USP40: variants seen among roughly 807,000 people sequenced by gnomAD.
USP40 encodes the protein ubiquitin specific peptidase 40.
In USP40, 143 loss-of-function variants were observed where a neutral mutation model predicts 166.2. The observed-to-expected ratio is 0.86, with a 90% confidence interval of 0.75 to 0.99. The LOEUF is 0.99. USP40 is among the 50% of genes least tolerant of loss of function. The pLI is 0.00. For missense variants in USP40, 1,444 were observed against 1,479.7 expected, an observed-to-expected ratio of 0.98 and a Z score of 0.40; for synonymous variants, 498 against 524.0, an observed-to-expected ratio of 0.95 and a Z score of 0.68.
rs1575340958 is a variant in USP40, at chr2:233,554,474, T to A, written c.599A>T (p.Asp200Val). 1.2e-6 allele frequency: 2 copies of A among 1,613,022 alleles called. No homozygotes were observed. The highest frequency in any genetic ancestry group is 2.7e-5 in the African/African-American group (2 of 74,858). ...TTCTACATACATGTTCCAGAGAGCATCTTCCAAACCGGATACATTTTTGAC... is the reference window on the plus strand; with the variant it reads ...TTCTACATACATGTTCCAGAGAGCAACTTCCAAACCGGATACATTTTTGAC... ...VAVKNVSGLE[D>V]ALWNMYVEEE... Residue 200 changes from aspartate to valine, a missense_variant, in exon 6 of 32, where the codon GAT becomes GTT. Coordinates refer to ENST00000678225, the MANE Select transcript of USP40 (RefSeq NM_001365479.2).
At chr2:233,494,366 A>T (rs891089124) in intron 24 of USP40, among the ~76,000 whole-genome samples, 21 of 152,216 alleles carry the variant, frequency 1.4e-4, no homozygotes, top group African/African-American at 4.8e-4. Flanking sequence ...GGTAGCAGGA[A>T]TATAAACTGC....
In USP40 at chr2:233,477,126, G is replaced by T; in HGVS notation, c.*266C>A. 2.1e-6 allele frequency: 1 copy of T among 483,124 alleles called. No homozygotes were observed. The highest frequency in any genetic ancestry group is 3.9e-5 in the East Asian group (1 of 25,774). 29.9% of individuals were successfully genotyped at this position (483,124 alleles called of 1,614,324 possible). ...TAAAAGAAAAAAAAAGGCAGCTGGG[G>T]CCGGGTGCTGTGTGAGAGAGCCCAG... On this transcript the variant is annotated 3_prime_UTR_variant, in exon 32 of 32. Transcript: ENST00000678225.
At chr2:233,542,601 C>T in intron 8 of USP40, 1 of 365,232 alleles carries the variant, frequency 2.7e-6, no homozygotes, top group Non-Finnish European at 4.9e-6. Context: ...CTGCTTGAGC[C>T]CAGGAGGTCA....
intron 10 of USP40, among the ~76,000 whole-genome samples, chr2:233,538,322 A>C (rs1254076819): frequency 1.3e-5 from 2 of 152,192 alleles, no homozygotes; most frequent in Non-Finnish European, 2.9e-5. Context: ...CATTCTAATA[A>C]AAAGGAAGAG....
Position 233,494,958 on chromosome 2 carries a change from ATATATATAT to A in USP40, c.2791-1416_2791-1408del, listed in dbSNP as rs1559224381. ...TATATATATATATATATATATATTT[ATATATATAT>A]ATATATATATATACACACACATAAA... On this transcript the variant is annotated intron_variant, in intron 24 of 31. Coordinates refer to ENST00000678225, the MANE Select transcript of USP40 (RefSeq NM_001365479.2). 7.8e-5 allele frequency among the ~76,000 whole-genome samples: 4 copies of A among 51,276 alleles called. No individual in the cohort carries two copies. In the East Asian group the frequency reaches 1.2e-3, roughly 15 times the overall value. 33.6% of individuals were successfully genotyped at this position (51,276 alleles called of 152,430 possible).
In USP40 at chr2:233,551,604, A is replaced by G. The variant is rs1444857993; in HGVS notation, c.694-85T>C. The G allele has an allele frequency of 3.9e-6, 5 of 1,274,264 alleles. No homozygotes were observed. In the African/African-American group the frequency reaches 7.6e-5, roughly 19 times the overall value. The allele number at this position is 1,274,264 out of a possible 1,614,324, so 78.9% of individuals were successfully genotyped here. The stretch of plus-strand genomic sequence containing the variant: ...ATGTTTCTTAAGGTCTGAAAAAACA[A>G]CCTATGACACAGTTCTAAGAGAAAT... On this transcript the variant is annotated intron_variant, in intron 6 of 31. Coordinates refer to ENST00000678225, the MANE Select transcript of USP40 (RefSeq NM_001365479.2).
rs1261933899 is a variant in USP40, at chr2:233,528,003, G to C, written c.1554-425C>G. Among the ~76,000 whole-genome samples the C allele has an allele frequency of 3.5e-5, 5 of 143,888 alleles. No individual in the cohort carries two copies. The East Asian group carries it at 1.0e-3, about 29-fold the overall frequency. The allele number at this position is 143,888 out of a possible 152,430, so 94.4% of individuals were successfully genotyped here. ...TGATTTTTTTTTTTTTTTTGAGACA[G>C]AGTCTCACTCTGTCGCCAAGGCTGG... On this transcript the variant is annotated intron_variant, in intron 12 of 31. Coordinates refer to ENST00000678225, the MANE Select transcript of USP40 (RefSeq NM_001365479.2).
chr2:233,554,513 T>A lies in USP40; in HGVS notation c.560A>T (p.Asp187Val). ...NVSERQEDFL[D>V]LTVAVKNVSG... ...TACATTTTTGACTGCTACTGTTAGA[T>A]CTAAGAAGTCTTCCTGAAATAGACA... The change falls in exon 6 of 32, where the codon GAT becomes GTT. Residue 187 changes from aspartate (D) to valine (V), a missense_variant. Coordinates refer to ENST00000678225, the MANE Select transcript of USP40 (RefSeq NM_001365479.2). 1 of 1,604,678 alleles carries A rather than the reference T, an allele frequency of 6.2e-7. No homozygotes were observed. Among genetic ancestry groups the A allele is most frequent in the Non-Finnish European group, 8.5e-7 (1 of 1,177,056 alleles).
chr2:233,557,138 A>G, intron 4 of USP40, 119 bp from the exon 5 acceptor site: 3 of 889,602 alleles, frequency 3.4e-6, no homozygotes, highest in Non-Finnish European at 3.4e-6. Flanking sequence ...GATCAGATAT[A>G]AGAATGACTC....
At chr2:233,495,166 C>T (rs1162651552) in intron 24 of USP40, among the ~76,000 whole-genome samples, 1 of 151,092 alleles carries the variant, frequency 6.6e-6, no homozygotes, top group African/African-American at 2.4e-5. Context: ...GATAGCTTCA[C>T]AGCATACACT....
intron 30 of USP40, among the ~76,000 whole-genome samples, chr2:233,483,047 T>C (rs2125034005): frequency 6.6e-6 from 1 of 152,368 alleles, no homozygotes; most frequent in Non-Finnish European, 1.5e-5. Flanking sequence ...TGCTGGAGAA[T>C]AACCCTCTGC....
At chr2:233,538,270 TCAAA>T (rs1326799549) in intron 10 of USP40, among the ~76,000 whole-genome samples, 9 of 151,904 alleles carry the variant, frequency 5.9e-5, no homozygotes, top group Admixed American at 5.2e-4. Flanking sequence ...GATGAGAGAT[TCAAA>T]CACAGCCATA....
chr2:233,560,851 T>C (rs1575351960), intron 3 of USP40: 1 of 555,998 alleles, frequency 1.8e-6, no homozygotes, highest in East Asian at 2.8e-5. Flanking sequence ...AAAAGTGCTT[T>C]AAATAGACTT....
chr2:233,496,861 C>T (rs1385174310), intron 23 of USP40, 29 bp from the exon 24 acceptor site: 3 of 1,569,448 alleles, frequency 1.9e-6, no homozygotes, highest in Admixed American at 3.4e-5. Context: ...TTTTTTGTCA[C>T]TTATGACTTC....
chr2:233,526,682 T>A (rs2068057387), intron 13 of USP40, among the ~76,000 whole-genome samples: 1 of 151,800 alleles, frequency 6.6e-6, no homozygotes, highest in African/African-American at 2.4e-5. Context: ...AGCAGGAGGG[T>A]GATTAGGAGA....
chr2:233,494,368 A>G (rs2065529215), intron 24 of USP40, among the ~76,000 whole-genome samples: 1 of 152,208 alleles, frequency 6.6e-6, no homozygotes, highest in African/African-American at 2.4e-5. Context: ...TAGCAGGAAT[A>G]TAAACTGCTG....
In USP40 at chr2:233,477,176, A is replaced by G; in HGVS notation, c.*216T>C. 1 of 559,662 alleles carries G rather than the reference A, an allele frequency of 1.8e-6. No individual in the cohort carries two copies. 34.7% of individuals were successfully genotyped at this position (559,662 alleles called of 1,614,324 possible). On this transcript the variant is annotated 3_prime_UTR_variant, in exon 32 of 32. Coordinates refer to ENST00000678225, the MANE Select transcript of USP40 (RefSeq NM_001365479.2). Reference sequence around the variant, plus strand: ...GCACCTACTGGCAGCTGGGTGGGCGACATCCAGAGCTGCACCAGCCCCCGT... The same window carrying G: ...GCACCTACTGGCAGCTGGGTGGGCGGCATCCAGAGCTGCACCAGCCCCCGT...
intron 12 of USP40, among the ~76,000 whole-genome samples, 178 bp from the exon 13 acceptor site, chr2:233,527,756 T>C (rs1169144269): frequency 6.6e-6 from 1 of 152,242 alleles, no homozygotes; most frequent in Non-Finnish European, 1.5e-5. Flanking sequence ...AAAATTCAGT[T>C]CTGTCACCAT....
intron 21 of USP40, among the ~76,000 whole-genome samples, chr2:233,504,655 A>G (rs1021695044): frequency 6.6e-6 from 1 of 152,062 alleles, no homozygotes; most frequent in South Asian, 2.1e-4. Flanking sequence ...CAATGAGAGG[A>G]TATAACAATT....
Sources: allele counts gnomAD v4.1 joint callset (sites outside exome capture counted in the v4.1 genomes callset), GRCh38; gene constraint gnomAD v4.1.1; transcripts MANE v1.5; gene names NCBI Gene and HGNC (gene_info 2026-07-23, HGNC 2026-07-21).